The following AGFG1 variants were observed in gnomAD, a reference collection of about 807,000 sequenced individuals.
The protein encoded by AGFG1 is arf-GAP domain and FG repeat-containing protein 1.
A neutral mutation model predicts 60.6 loss-of-function variants in AGFG1; 10 were observed. That is an observed-to-expected ratio of 0.16 (90% CI 0.10 to 0.28). The LOEUF (loss-of-function observed/expected upper bound fraction) is 0.28. Among genes scored for constraint, AGFG1 ranks in the 10% least tolerant of loss-of-function variants. AGFG1 has a pLI of 1.00. For missense variants in AGFG1, 537 were observed against 676.5 expected (o/e 0.79, Z 2.29); for synonymous variants, 247 against 242.9 (o/e 1.02, Z -0.16).
chr2:227,505,729 TG>T (rs1691293500), intron 2 of AGFG1, among the ~76,000 whole-genome samples: 2 of 152,148 alleles, frequency 1.3e-5, no homozygotes, highest in East Asian at 1.9e-4. Flanking sequence ...CTTTTTATTT[TG>T]TTTTTTTTGT....
intron 10 of AGFG1, among the ~76,000 whole-genome samples, chr2:227,547,264 C>A (rs1692678981): frequency 6.6e-6 from 1 of 152,110 alleles, no homozygotes; most frequent in Non-Finnish European, 1.5e-5. Context: ...AAAGAAAAAA[C>A]CCTAAGTAGA....
intron 5 of AGFG1, among the ~76,000 whole-genome samples, chr2:227,525,553 C>G (rs557507539): frequency 6.6e-6 from 1 of 152,316 alleles, no homozygotes; most frequent in East Asian, 1.9e-4. Context: ...AGTTGTGAGA[C>G]ATGTCTCTTA....
chr2:227,532,242 T>A, intron 6 of AGFG1: 4 of 1,479,382 alleles, frequency 2.7e-6, no homozygotes, highest in Non-Finnish European at 3.6e-6. Context: ...CATCTTATAC[T>A]AATTTGTATA....
At position 227,552,083 on chromosome 2, in the gene AGFG1, CCCTCAACAGACAGCTTTT is replaced by C. The variant is rs1692838337; in HGVS notation, c.1504_1521del (p.Pro502_Phe507del). The C allele has an allele frequency of 6.2e-7, 1 of 1,614,074 alleles. No homozygotes were observed. Among genetic ancestry groups the C allele is most frequent in the South Asian group, 1.1e-5 (1 of 91,086 alleles). ...CTGCCTTTCCAGCCCAAGCAGCTTT[CCCTCAACAGACAGCTTTT>C]TCTCAACAGCCCAATGGTAAGATCT... On this transcript the variant is annotated inframe_deletion, in exon 11 of 13. Transcript: ENST00000310078.
chr2:227,552,225 A>C, intron 11 of AGFG1, 108 bp downstream of exon 11: 1 of 1,270,228 alleles, frequency 7.9e-7, no homozygotes, highest in Non-Finnish European at 1.1e-6. Context: ...CTATAGTATT[A>C]TCTACTGAGT....
chr2:227,534,857 G>A lies in AGFG1; in HGVS notation c.1037G>A (p.Gly346Glu). The A allele has an allele frequency of 6.2e-7, 1 of 1,613,502 alleles. No individual in the cohort carries two copies. The highest frequency in any genetic ancestry group is 8.5e-7 in the Non-Finnish European group (1 of 1,179,682). The part of the protein sequence containing the change: ...IFSAGQGGDQ[G>E]SGFGTTGKAP... ...TGTTCGTTCCCAGGTGGTGATCAGG[G>A]AAGTGGCTTTGGGACCACAGGTAAA... is the stretch of plus-strand genomic sequence containing the variant. Residue 346 changes from glycine to glutamate, a missense_variant, in exon 8 of 13, where the codon GGA (glycine) becomes GAA (glutamate). Physicochemically the swap from Gly to Glu is moderately conservative, Grantham distance 98. This residue lies in a region of AGFG1 where 287 missense variants were observed against 343.6 expected (regional missense o/e 0.84). Transcript: ENST00000310078.
intron 1 of AGFG1, among the ~76,000 whole-genome samples, chr2:227,473,892 G>C (rs567078761): frequency 7.9e-5 from 12 of 152,180 alleles, no homozygotes; most frequent in Non-Finnish European, 1.6e-4. Context: ...GGTTGTGTAA[G>C]GCCCTGGGGT....
chr2:227,524,108 TG>T (rs1191094977), intron 4 of AGFG1, among the ~76,000 whole-genome samples, 183 bp downstream of exon 4: 1 of 152,078 alleles, frequency 6.6e-6, no homozygotes, highest in Non-Finnish European at 1.5e-5. Context: ...TTGTTCTTTT[TG>T]CTATTGCTAA....
intron 2 of AGFG1, among the ~76,000 whole-genome samples, chr2:227,503,592 G>C (rs1293331253): frequency 6.6e-6 from 1 of 152,070 alleles, no homozygotes; most frequent in Non-Finnish European, 1.5e-5. Context: ...TGGCAGCTTT[G>C]GGCACCAAGT....
At chr2:227,525,716 A>G (rs780692346) in intron 5 of AGFG1, among the ~76,000 whole-genome samples, 1 of 152,106 alleles carries the variant, frequency 6.6e-6, no homozygotes, top group Non-Finnish European at 1.5e-5. Flanking sequence ...CCTATGTTCT[A>G]TTTCTTGTTA....
Position 227,527,219 on chromosome 2 carries a change from C to G in AGFG1, c.694+2304C>G, listed in dbSNP as rs976961790. ...ACTTTGGGCAAATTACCTAACATTT[C>G]TAAGTTTTCTATTCTATAAATTGTC... On this transcript the variant is annotated intron_variant, in intron 5 of 12. Transcript: ENST00000310078. Among the ~76,000 whole-genome samples, 8 of 151,934 alleles carry G rather than the reference C, an allele frequency of 5.3e-5. No homozygotes were observed. In the East Asian group the frequency reaches 1.6e-3, roughly 30 times the overall value.
At chr2:227,541,990 CTCTG>C (rs1259518322) in intron 10 of AGFG1, among the ~76,000 whole-genome samples, 3 of 152,238 alleles carry the variant, frequency 2.0e-5, no homozygotes, top group Admixed American at 1.3e-4. Context: ...TGATTTGGCT[CTCTG>C]TCTGTTATTG....
intron 1 of AGFG1, among the ~76,000 whole-genome samples, chr2:227,482,979 CTTTTT>C (rs59051579): frequency 2.8e-5 from 3 of 108,238 alleles, no homozygotes; most frequent in Non-Finnish European, 3.9e-5. Context: ...GTTATTGAGT[CTTTTT>C]TTTTTTTTTT....
At chr2:227,504,967 G>A (rs1691265878) in intron 2 of AGFG1, among the ~76,000 whole-genome samples, 1 of 152,154 alleles carries the variant, frequency 6.6e-6, no homozygotes, top group Non-Finnish European at 1.5e-5. Flanking sequence ...GTGTTTAGAT[G>A]TTGTGGATCC....
At chr2:227,551,402 TCTC>T (rs1692816183) in intron 10 of AGFG1, among the ~76,000 whole-genome samples, 1 of 152,154 alleles carries the variant, frequency 6.6e-6, no homozygotes, top group Non-Finnish European at 1.5e-5. Context: ...GAATCTCTCT[TCTC>T]TGGCTGTAGT....
chr2:227,503,552 C>T (rs1691221108), intron 2 of AGFG1, among the ~76,000 whole-genome samples: 1 of 152,158 alleles, frequency 6.6e-6, no homozygotes, highest in Admixed American at 6.5e-5. Flanking sequence ...GATTTTCTCT[C>T]CCTTCCTTCC....
chr2:227,518,146 T>C (rs1365307366), intron 2 of AGFG1, among the ~76,000 whole-genome samples: 3 of 152,238 alleles, frequency 2.0e-5, no homozygotes, highest in Non-Finnish European at 4.4e-5. Context: ...TTTTCTCCTT[T>C]TAATTGCTGA....
rs1373962441 is a variant in AGFG1, at chr2:227,558,243, A to G, written c.*3748A>G. The G allele has an allele frequency of 1.3e-5, 2 of 152,242 alleles. No individual in the cohort carries two copies. The highest frequency in any genetic ancestry group is 2.4e-5 in the African/African-American group (1 of 41,474). The allele number at this position is 152,242 out of a possible 1,614,324, so 9.4% of individuals were successfully genotyped here. A position where few individuals can be genotyped will look rare whatever the true frequency, so the allele number is the denominator to read the frequency against. ...TTTTTGCTCTGGGGAACAGATTTGG[A>G]TTAAATGCTATCACATTTATATATG... is the stretch of plus-strand genomic sequence containing the variant. On this transcript the variant is annotated 3_prime_UTR_variant, in exon 13 of 13. Coordinates refer to ENST00000310078, the MANE Select transcript of AGFG1 (RefSeq NM_004504.5).
chr2:227,525,957 G>A (rs1446994609), intron 5 of AGFG1, among the ~76,000 whole-genome samples: 4 of 152,114 alleles, frequency 2.6e-5, no homozygotes, highest in Non-Finnish European at 5.9e-5. Context: ...ATCTTTATCT[G>A]GTGGCATGAT....
Sources: allele counts gnomAD v4.1 joint callset (sites outside exome capture counted in the v4.1 genomes callset), GRCh38; gene constraint gnomAD v4.1.1; regional missense constraint gnomAD v4.1.1; transcripts MANE v1.5; gene names NCBI Gene and HGNC (gene_info 2026-07-23, HGNC 2026-07-21).